The following SULT1B1 variants were observed in gnomAD, a reference collection of about 807,000 sequenced individuals.
The protein encoded by SULT1B1 is sulfotransferase 1B1.
SULT1B1 carries 28 observed loss-of-function variants against 34.6 expected under a neutral mutation model. The ratio of observed to expected loss-of-function variants is 0.81; its 90% CI spans 0.60 to 1.11. The LOEUF is 1.11. Ranked by LOEUF, SULT1B1 falls within the 50% of genes least tolerant of loss-of-function variation. SULT1B1 has a pLI of 0.00. For synonymous variants in SULT1B1, 147 were observed against 110.2 expected (o/e 1.33, Z -2.09); for missense variants, 374 against 352.2 (o/e 1.06, Z -0.50).
At position 69,722,719 on chromosome 4, in the gene SULT1B1, C is replaced by T. The variant is rs1483008947; in HGVS notation, c.*4369G>A. 1 of 152,094 alleles carries T rather than the reference C, an allele frequency of 6.6e-6. No homozygotes were observed. The highest frequency in any genetic ancestry group is 1.5e-5 in the Non-Finnish European group (1 of 68,018). 9.4% of individuals were successfully genotyped at this position (152,094 alleles called of 1,614,324 possible). On this transcript the variant is annotated 3_prime_UTR_variant, in exon 8 of 8. Transcript: ENST00000310613. ...CTGGGGTTGGAAAAGAGAAATGTTA[C>T]AGCTTAAGGAGCTATTTTAGCTATT...
chr4:69,758,272 A>C (rs1719265417), intron 1 of SULT1B1: 1 of 981,694 alleles, frequency 1.0e-6, no homozygotes. Flanking sequence ...TGAATGAAGA[A>C]ATGAATGAAT....
intron 4 of SULT1B1, 57 bp from the exon 5 acceptor site, chr4:69,734,321 GA>G: frequency 3.2e-6 from 5 of 1,564,978 alleles, no homozygotes; most frequent in Non-Finnish European, 4.3e-6. Context: ...TTTTGTTTAG[GA>G]AAAAATTAAC....
At position 69,748,455 on chromosome 4, in the gene SULT1B1, T is replaced by C. The variant is rs568269343; in HGVS notation, c.375+1266A>G. Among the ~76,000 whole-genome samples the C allele has an allele frequency of 2.0e-5, 3 of 152,292 alleles. No individual in the cohort carries two copies. In the East Asian group the frequency reaches 5.8e-4, roughly 29 times the overall value. On this transcript the variant is annotated intron_variant, in intron 4 of 7. Coordinates refer to ENST00000310613, the MANE Select transcript of SULT1B1 (RefSeq NM_014465.4). ...ATGTTTACAATCCACTGTCAGGCAA[T>C]TGATAGAACTGCTAGACATAAAACA...
intron 3 of SULT1B1, among the ~76,000 whole-genome samples, chr4:69,752,256 G>C (rs1275568933): frequency 6.6e-6 from 1 of 152,164 alleles, no homozygotes; most frequent in East Asian, 1.9e-4. Context: ...TTTGTTTAGA[G>C]ACAGAGTCTT....
rs908716975 is a variant in SULT1B1, at chr4:69,722,326, A to G, written c.*4762T>C. The G allele has an allele frequency of 6.6e-6, 1 of 152,142 alleles. No homozygotes were observed. Among genetic ancestry groups the G allele is most frequent in the Non-Finnish European group, 1.5e-5 (1 of 68,004 alleles). 9.4% of individuals were successfully genotyped at this position (152,142 alleles called of 1,614,324 possible). A position where few individuals can be genotyped will look rare whatever the true frequency, so the allele number is the denominator to read the frequency against. Reference sequence around the variant, plus strand: ...CTAGTGAAGAAAGTGTAGCTAATCTATTACACAGATTAGAGGATAGTTTAG... The same window carrying G: ...CTAGTGAAGAAAGTGTAGCTAATCTGTTACACAGATTAGAGGATAGTTTAG... On this transcript the variant is annotated 3_prime_UTR_variant, in exon 8 of 8. Transcript: ENST00000310613.
chr4:69,734,806 C>T (rs1003552231), intron 4 of SULT1B1, among the ~76,000 whole-genome samples: 2 of 150,522 alleles, frequency 1.3e-5, no homozygotes, highest in Middle Eastern at 3.2e-3. Context: ...GGTATAGACT[C>T]ACTATTTTCT....
intron 4 of SULT1B1, 97 bp downstream of exon 4, chr4:69,749,624 T>C: frequency 1.2e-6 from 1 of 821,644 alleles, no homozygotes; most frequent in Non-Finnish European, 2.0e-6. Context: ...TGCAAGTATA[T>C]GGTTAAAGAA....
chr4:69,737,448 C>G (rs1254814848), intron 4 of SULT1B1, among the ~76,000 whole-genome samples: 1 of 152,066 alleles, frequency 6.6e-6, no homozygotes, highest in African/African-American at 2.4e-5. Flanking sequence ...AACATAGTAG[C>G]TAATCACTCA....
intron 1 of SULT1B1, 127 bp downstream of exon 1, chr4:69,760,332 A>C (rs139912414): frequency 2.3e-6 from 1 of 432,582 alleles, no homozygotes; most frequent in East Asian, 1.6e-4. Context: ...CCTATAAGAA[A>C]ATTGGAATTA....
At chr4:69,755,324 C>T (rs1032373241) in intron 1 of SULT1B1, 63 bp from the exon 2 acceptor site, 1 of 1,260,468 alleles carries the variant, frequency 7.9e-7, no homozygotes, top group Admixed American at 2.2e-5. Context: ...TAAGACACTG[C>T]AATTTGTCAC....
At chr4:69,753,632 G>C (rs1364269474) in intron 3 of SULT1B1, among the ~76,000 whole-genome samples, 1 of 151,948 alleles carries the variant, frequency 6.6e-6, no homozygotes, top group Non-Finnish European at 1.5e-5. Flanking sequence ...CTGTATCCTG[G>C]GATATTCTTT....
chr4:69,734,397 T>C, intron 4 of SULT1B1, 133 bp from the exon 5 acceptor site: 2 of 832,752 alleles, frequency 2.4e-6, no homozygotes, highest in East Asian at 3.0e-5. Context: ...GAGGCCCTTC[T>C]ATTAACAGCT....
At chr4:69,728,655 C>T (rs201727058) in intron 7 of SULT1B1, among the ~76,000 whole-genome samples, 18 of 55,418 alleles carry the variant, frequency 3.2e-4, no homozygotes, top group African/African-American at 4.8e-4. Context: ...GAAGGAAGAA[C>T]GGAAGAATGG....
chr4:69,733,891 A>C (rs1261673362), intron 5 of SULT1B1, among the ~76,000 whole-genome samples: 1 of 152,196 alleles, frequency 6.6e-6, no homozygotes, highest in Non-Finnish European at 1.5e-5. Flanking sequence ...GGAGAGACTG[A>C]TAATGGACTT....
chr4:69,753,080 G>A (rs560896000), intron 3 of SULT1B1, among the ~76,000 whole-genome samples: 1 of 152,058 alleles, frequency 6.6e-6, no homozygotes, highest in South Asian at 2.1e-4. Flanking sequence ...GCTGAGCATT[G>A]CCTAATGAAT....
At chr4:69,734,296 A>G (rs778889833) in intron 4 of SULT1B1, 32 bp from the exon 5 acceptor site, 4 of 1,595,504 alleles carry the variant, frequency 2.5e-6, no homozygotes, top group Non-Finnish European at 3.4e-6. Context: ...GGAGAAAAAA[A>G]TAAGATAAAA....
At chr4:69,730,463 A>C in intron 7 of SULT1B1, 38 bp downstream of exon 7, 1 of 1,555,192 alleles carries the variant, frequency 6.4e-7, no homozygotes, top group African/African-American at 1.4e-5. Flanking sequence ...ATTCATAAGA[A>C]AGTACGAAAG....
At chr4:69,747,341 A>C (rs942563315) in intron 4 of SULT1B1, among the ~76,000 whole-genome samples, 4 of 152,156 alleles carry the variant, frequency 2.6e-5, no homozygotes, top group African/African-American at 4.8e-5. Flanking sequence ...AAAGCAAAAA[A>C]CTGGGCAAAA....
chr4:69,754,530 T>C, intron 3 of SULT1B1, 140 bp downstream of exon 3: 1 of 724,828 alleles, frequency 1.4e-6, no homozygotes, highest in African/African-American at 1.8e-5. Context: ...TTCTTCTTAT[T>C]CTTCAGTTTT....
Sources: allele counts gnomAD v4.1 joint callset (sites outside exome capture counted in the v4.1 genomes callset), GRCh38; gene constraint gnomAD v4.1.1; transcripts MANE v1.5; gene names NCBI Gene and HGNC (gene_info 2026-07-23, HGNC 2026-07-21).